Variants in TRPC4AP observed in about 807,000 individuals in gnomAD.
The protein encoded by TRPC4AP is short transient receptor potential channel 4-associated protein.
Under a neutral mutation model 99.0 loss-of-function variants are expected in TRPC4AP, and 45 were observed. The ratio of observed to expected loss-of-function variants is 0.45; its 90% CI spans 0.36 to 0.58. TRPC4AP has a LOEUF of 0.58. Among genes scored for constraint, TRPC4AP ranks in the 20% least tolerant of loss-of-function variants. The pLI, the probability that TRPC4AP is intolerant of heterozygous loss-of-function variation, is 0.00. For missense variants in TRPC4AP, 879 were observed against 985.3 expected (o/e 0.89, Z 1.44); for synonymous variants, 408 against 385.8 (o/e 1.06, Z -0.67).
intron 9 of TRPC4AP, among the ~76,000 whole-genome samples, chr20:35,018,106 CA>C (rs1035538617): frequency 2.6e-5 from 4 of 152,046 alleles, no homozygotes; most frequent in Non-Finnish European, 5.9e-5. Context: ...AACAATGGCC[CA>C]AAAAAATTCA....
chr20:35,060,464 T>A (rs1322584371), intron 3 of TRPC4AP, among the ~76,000 whole-genome samples: 2 of 151,128 alleles, frequency 1.3e-5, no homozygotes, highest in African/African-American at 2.4e-5. Context: ...GGTAGCATGC[T>A]CCTGTAGTCC....
chr20:35,042,851 C>T (rs1176671640), intron 7 of TRPC4AP, among the ~76,000 whole-genome samples: 8 of 152,164 alleles, frequency 5.3e-5, no homozygotes, highest in African/African-American at 1.4e-4. Flanking sequence ...TATATTTACA[C>T]GGTTCTAAAA....
chr20:35,062,889 A>T (rs1294758399), intron 3 of TRPC4AP, among the ~76,000 whole-genome samples: 1 of 152,250 alleles, frequency 6.6e-6, no homozygotes, highest in Non-Finnish European at 1.5e-5. Context: ...ATTTAAAACA[A>T]TAAAACACCT....
chr20:35,018,371 G>C (rs920914281), intron 9 of TRPC4AP, among the ~76,000 whole-genome samples: 1 of 152,032 alleles, frequency 6.6e-6, no homozygotes, highest in Non-Finnish European at 1.5e-5. Flanking sequence ...CAAGGCGGGC[G>C]GATCACTTGA....
chr20:35,039,362 T>A (rs1278587901), intron 7 of TRPC4AP, among the ~76,000 whole-genome samples: 1 of 152,150 alleles, frequency 6.6e-6, no homozygotes, highest in African/African-American at 2.4e-5. Context: ...GAAAAGCTAA[T>A]AAAAGCTAAG....
At position 35,092,766 on chromosome 20, in the gene TRPC4AP, C is replaced by T. The variant is rs1353286253; in HGVS notation, c.16G>A (p.Val6Ile). The T allele has an allele frequency of 1.3e-6, 2 of 1,539,684 alleles. No individual in the cohort carries two copies. Among genetic ancestry groups the T allele is most frequent in the East Asian group, 2.6e-5 (1 of 38,714 alleles). The change falls in exon 1 of 19, where the codon GTA (valine) becomes ATA (isoleucine). Residue 6 changes from valine (V) to isoleucine (I), a missense_variant. Physicochemically the swap from Val to Ile is conservative, Grantham distance 29. Transcript: ENST00000252015. ...CGGCCGGCTCCAGACCCAGCCGCTA[C>T]CGGCGCCGCCGCCATGTCTCCTCGT... MAAAP[V>I]AAGSGAGRGR...
chr20:35,024,873 T>A (rs62213676), intron 8 of TRPC4AP, among the ~76,000 whole-genome samples: 38,050 of 118,628 alleles, frequency 0.32, 8,719 homozygotes, highest in East Asian at 0.53. Flanking sequence ...TATTCATTAA[T>A]CAGGTGACAG....
At chr20:35,039,610 A>G (rs1166084282) in intron 7 of TRPC4AP, among the ~76,000 whole-genome samples, 2 of 151,044 alleles carry the variant, frequency 1.3e-5, no homozygotes, top group Admixed American at 1.3e-4. Flanking sequence ...TTCCCCCCAT[A>G]CTCCTGTAGT....
chr20:35,057,458 T>G, intron 4 of TRPC4AP, 56 bp downstream of exon 4: 1 of 1,420,474 alleles, frequency 7.0e-7, no homozygotes, highest in Non-Finnish European at 9.9e-7. Flanking sequence ...TGCTGGGAAC[T>G]GCCACCGTAT....
intron 11 of TRPC4AP, among the ~76,000 whole-genome samples, chr20:35,010,668 C>T (rs139060292): frequency 6.6e-5 from 10 of 152,304 alleles, no homozygotes; most frequent in East Asian, 3.9e-4. Flanking sequence ...CCAAGCACCA[C>T]GGTCACACAT....
intron 6 of TRPC4AP, among the ~76,000 whole-genome samples, chr20:35,047,803 A>C (rs898058746): frequency 2.0e-5 from 3 of 152,182 alleles, no homozygotes; most frequent in African/African-American, 7.2e-5. Flanking sequence ...AATCCTAAGA[A>C]TCACTGTTCT....
intron 10 of TRPC4AP, among the ~76,000 whole-genome samples, chr20:35,014,313 A>ATTT (rs2082702220): frequency 3.2e-5 from 2 of 62,306 alleles, no homozygotes; most frequent in Non-Finnish European, 5.6e-5. Context: ...CCTCAGGCAG[A>ATTT]ATTTTTTTTT....
At chr20:35,054,849 A>G in intron 5 of TRPC4AP, 127 bp downstream of exon 5, 3 of 792,170 alleles carry the variant, frequency 3.8e-6, no homozygotes, top group Admixed American at 2.8e-5. Context: ...CACACATAAA[A>G]TAAGCCCGAT....
At chr20:35,037,337 A>C (rs1482915703) in intron 7 of TRPC4AP, among the ~76,000 whole-genome samples, 1 of 122,976 alleles carries the variant, frequency 8.1e-6, no homozygotes, top group Non-Finnish European at 1.6e-5. Flanking sequence ...AAAGAGCGAG[A>C]CTCTGTCTCA....
At chr20:35,004,645 C>A (rs946464656) in intron 16 of TRPC4AP, 75 bp from the exon 17 acceptor site, 63 of 1,261,652 alleles carry the variant, frequency 5.0e-5, no homozygotes, top group African/African-American at 1.5e-5. Context: ...TTCGTGGAGC[C>A]CCGCTTGGGT....
At position 35,006,528 on chromosome 20, in the gene TRPC4AP, CA is replaced by C; in HGVS notation, c.1733del (p.Val578GlyfsTer12). On this transcript the variant is annotated frameshift_variant, in exon 15 of 19. Transcript: ENST00000252015. LOFTEE classifies it high-confidence loss of function. ...CCAGGAGGTCAAAGTAACTCTGGAG[CA>C]CATCCCTTGACTTACACTCGCTGTC... ...IVDSECKSRD[V>X]LQSYFDLLGE... 2 of 1,614,208 alleles carry C rather than the reference CA, an allele frequency of 1.2e-6. No homozygotes were observed. Among genetic ancestry groups the C allele is most frequent in the Non-Finnish European group, 8.5e-7 (1 of 1,180,050 alleles).
chr20:35,047,249 TC>T (rs2083580886), intron 6 of TRPC4AP, among the ~76,000 whole-genome samples: 1 of 152,232 alleles, frequency 6.6e-6, no homozygotes, highest in African/African-American at 2.4e-5. Context: ...TGTGTGCCTT[TC>T]CTATTGCATC....
At chr20:35,025,356 A>G (rs1361682418) in intron 8 of TRPC4AP, among the ~76,000 whole-genome samples, 1 of 151,996 alleles carries the variant, frequency 6.6e-6, no homozygotes, top group Non-Finnish European at 1.5e-5. Flanking sequence ...AACCGAAACA[A>G]AATTTTTTTT....
At position 35,024,854 on chromosome 20, in the gene TRPC4AP, A is replaced by AAAAAAAAAAAAAAAAAAAACAT. The variant is rs1479270980; in HGVS notation, c.1052-3499_1052-3498insATGTTTTTTTTTTTTTTTTTTT. ...AAAAAAAAAAAAAAAAAAAAAAAAA[A>AAAAAAAAAAAAAAAAAAAACAT]ATTCTGTTTATTCATTAATCAGGTG... On this transcript the variant is annotated intron_variant, in intron 8 of 18. Transcript: ENST00000252015. 2.2e-4 allele frequency among the ~76,000 whole-genome samples: 20 copies of AAAAAAAAAAAAAAAAAAAACAT among 89,478 alleles called. 5 individuals are homozygous for AAAAAAAAAAAAAAAAAAAACAT. Among genetic ancestry groups the AAAAAAAAAAAAAAAAAAAACAT allele is most frequent in the East Asian group, 4.4e-4 (1 of 2,286 alleles). The allele number at this position is 89,478 out of a possible 152,430, so 58.7% of individuals were successfully genotyped here.
Sources: gnomAD v4.1 joint callset for allele counts (sites outside exome capture counted in the v4.1 genomes callset) on GRCh38, gnomAD v4.1.1 for gene constraint, MANE v1.5 for transcripts, NCBI Gene and HGNC (gene_info 2026-07-23, HGNC 2026-07-21) for gene names.